The following COLEC10 variants were observed in gnomAD, a reference collection of about 807,000 sequenced individuals.
The protein encoded by COLEC10 is collectin subfamily member 10, also known as collectin-10.
A neutral mutation model predicts 28.4 loss-of-function variants in COLEC10; 22 were observed. The observed-to-expected ratio is 0.78, with a 90% CI of 0.55 to 1.11. The LOEUF (loss-of-function observed/expected upper bound fraction) is 1.11, where lower values mean the gene tolerates loss of function less well. COLEC10 is among the 50% of genes least tolerant of loss of function. The pLI, the probability that COLEC10 is intolerant of heterozygous loss-of-function variation, is 0.00. For synonymous variants in COLEC10, 125 were observed against 116.1 expected (o/e 1.08, Z -0.49); for missense variants, 361 against 344.1 (o/e 1.05, Z -0.39).
the COLEC10 span, among the ~76,000 whole-genome samples, chr8:118,966,656 T>C: frequency 2.6e-5 from 4 of 151,836 alleles, no homozygotes; most frequent in East Asian, 7.7e-4. Context: ...CCACTGCTCT[T>C]TCTTGGATGA....
intron 2 of COLEC10, among the ~76,000 whole-genome samples, chr8:119,028,458 G>C (rs1438438811): frequency 6.6e-6 from 1 of 152,140 alleles, no homozygotes; most frequent in East Asian, 1.9e-4. Flanking sequence ...GGTGGGAGGT[G>C]AAAGGTACTT....
At chr8:119,032,784 C>G (rs969202229) in intron 2 of COLEC10, among the ~76,000 whole-genome samples, 34 of 152,146 alleles carry the variant, frequency 2.2e-4, no homozygotes, top group African/African-American at 8.0e-4. Context: ...CGCCTGTAGT[C>G]CCAGCTACCT....
intron 2 of COLEC10, among the ~76,000 whole-genome samples, chr8:119,050,464 A>G (rs564267781): frequency 6.6e-6 from 1 of 152,336 alleles, no homozygotes; most frequent in South Asian, 2.1e-4. Flanking sequence ...AATCTTATAA[A>G]TCACCAGATA....
intron 3 of COLEC10, 24 bp downstream of exon 3, chr8:119,091,244 C>T: frequency 1.3e-6 from 2 of 1,585,590 alleles, no homozygotes; most frequent in African/African-American, 1.3e-5. Flanking sequence ...TACTATTCTC[C>T]AGTAGCAATT....
chr8:119,011,967 T>C (rs1437217374), intron 2 of COLEC10, among the ~76,000 whole-genome samples: 2 of 150,904 alleles, frequency 1.3e-5, no homozygotes, highest in Admixed American at 6.6e-5. Flanking sequence ...TCTTGTCTTG[T>C]TGCATTATCT....
At chr8:119,095,476 A>T (rs999610930) in intron 3 of COLEC10, among the ~76,000 whole-genome samples, 8 of 152,100 alleles carry the variant, frequency 5.3e-5, no homozygotes, top group Admixed American at 3.9e-4. Flanking sequence ...GCCGAGGTGG[A>T]TGGATCACCT....
At chr8:119,092,773 G>A (rs551645923) in intron 3 of COLEC10, among the ~76,000 whole-genome samples, 1 of 152,172 alleles carries the variant, frequency 6.6e-6, no homozygotes, top group South Asian at 2.1e-4. Flanking sequence ...GGGTGTGGTG[G>A]TGCACGCCTG....
At chr8:118,970,229 A>C in the COLEC10 span, among the ~76,000 whole-genome samples, 1 of 152,042 alleles carries the variant, frequency 6.6e-6, no homozygotes, top group African/African-American at 2.4e-5. Context: ...AATCCTATTT[A>C]AGGAGTAGCA....
chr8:119,069,658 A>ATATATATG (rs1205061377), intron 1 of COLEC10, among the ~76,000 whole-genome samples: 1 of 122,774 alleles, frequency 8.1e-6, no homozygotes, highest in Non-Finnish European at 1.7e-5. Flanking sequence ...ATATATATAT[A>ATATATATG]TATGTAAACT....
chr8:119,106,334 A>G lies in COLEC10; in HGVS notation c.*143A>G, dbSNP rs1034207945. The G allele has an allele frequency of 1.1e-4, 84 of 765,304 alleles. No individual in the cohort carries two copies. In the Middle Eastern group the frequency reaches 1.7e-3, roughly 15 times the overall value. The allele number at this position is 765,304 out of a possible 1,614,324, so 47.4% of individuals were successfully genotyped here. On this transcript the variant is annotated 3_prime_UTR_variant, in exon 6 of 6. Coordinates refer to ENST00000332843, the MANE Select transcript of COLEC10 (RefSeq NM_006438.5). ...TAAACTGAGGTATGGAGCCTCCATC[A>G]TCATGCTCTTTTGTGATGATTTTCA...
intron 1 of COLEC10, among the ~76,000 whole-genome samples, chr8:119,083,011 C>T (rs1815397804): frequency 6.6e-6 from 1 of 152,130 alleles, no homozygotes; most frequent in South Asian, 2.1e-4. Context: ...GAAGGAACCT[C>T]TCATAATCAT....
chr8:119,047,472 A>G (rs1814605878), intron 2 of COLEC10, among the ~76,000 whole-genome samples: 1 of 152,200 alleles, frequency 6.6e-6, no homozygotes, highest in African/African-American at 2.4e-5. Context: ...CCAAGTTAGG[A>G]GGGTTTTTAT....
At position 119,081,908 on chromosome 8, in the gene COLEC10, G is replaced by C. The variant is rs576660992; in HGVS notation, c.149-7772G>C. ...GGGAAAAGTGAAGTTCAGATTCAAG[G>C]AAACCAATATTTCAAGAACAATTTA... On this transcript the variant is annotated intron_variant, in intron 1 of 5. Coordinates refer to ENST00000332843, the MANE Select transcript of COLEC10 (RefSeq NM_006438.5). 2.6e-5 allele frequency among the ~76,000 whole-genome samples: 4 copies of C among 152,280 alleles called. No homozygotes were observed. The South Asian group carries it at 8.3e-4, about 32-fold the overall frequency.
chr8:119,058,775 A>T (rs551177746), intron 2 of COLEC10, among the ~76,000 whole-genome samples: 1 of 152,184 alleles, frequency 6.6e-6, no homozygotes, highest in East Asian at 1.9e-4. Flanking sequence ...TCCCAAGTAG[A>T]TATCTAGGAA....
upstream of COLEC10, among the ~76,000 whole-genome samples, chr8:119,066,072 C>G (rs955273401): frequency 6.6e-6 from 1 of 152,018 alleles, no homozygotes; most frequent in African/African-American, 2.4e-5. Context: ...AACTAATGCA[C>G]CTGTATTTCT....
chr8:119,067,373 A>G lies in COLEC10; in HGVS notation c.92A>G (p.Asp31Gly). Residue 31 changes from aspartate to glycine, a missense_variant, in exon 1 of 6, where the codon GAT becomes GGT. This residue lies in a region of COLEC10 where 335 missense variants were observed against 308.5 expected (regional missense o/e 1.09). Transcript: ENST00000332843. ...LQIQSLGLDI[D>G]SRPTAEVCAT... ...ATTCAGAGTCTGGGTCTGGATATTGATAGCCGTCCTACCGCTGAAGTCTGT... is the reference window on the plus strand; with the variant it reads ...ATTCAGAGTCTGGGTCTGGATATTGGTAGCCGTCCTACCGCTGAAGTCTGT... The G allele has an allele frequency of 6.2e-7, 1 of 1,614,088 alleles. No homozygotes were observed. Among genetic ancestry groups the G allele is most frequent in the Admixed American group, 1.7e-5 (1 of 59,994 alleles).
intron 2 of COLEC10, among the ~76,000 whole-genome samples, chr8:119,034,789 A>T (rs1814357573): frequency 6.6e-6 from 1 of 152,206 alleles, no homozygotes; most frequent in Non-Finnish European, 1.5e-5. Flanking sequence ...CAGAATACTG[A>T]TTCTGACACT....
At chr8:119,102,495 C>T (rs1815856990) in intron 4 of COLEC10, 94 bp downstream of exon 4, 1 of 1,050,092 alleles carries the variant, frequency 9.5e-7, no homozygotes, top group Non-Finnish European at 1.4e-6. Flanking sequence ...AGCAAGAGTC[C>T]TTTTAGTATG....
intron 5 of COLEC10, among the ~76,000 whole-genome samples, chr8:119,104,652 T>C (rs771329338): frequency 6.6e-6 from 1 of 152,188 alleles, no homozygotes; most frequent in African/African-American, 2.4e-5. Context: ...CTCAGCAATA[T>C]TTGCTGTACA....
Sources: allele counts gnomAD v4.1 joint callset (sites outside exome capture counted in the v4.1 genomes callset), GRCh38; gene constraint gnomAD v4.1.1; regional missense constraint gnomAD v4.1.1; transcripts MANE v1.5; gene names NCBI Gene and HGNC (gene_info 2026-07-23, HGNC 2026-07-21).